The following PTPRF variants were observed in gnomAD, a reference collection of about 807,000 sequenced individuals.
PTPRF encodes protein tyrosine phosphatase receptor type F, also known as receptor-type tyrosine-protein phosphatase F.
A neutral mutation model predicts 201.8 loss-of-function variants in PTPRF; 59 were observed. The ratio of observed to expected loss-of-function variants is 0.29; its 90% CI spans 0.24 to 0.36. PTPRF has a LOEUF of 0.36. Among genes scored for constraint, PTPRF ranks in the 10% least tolerant of loss-of-function variants. The pLI is 1.00. For synonymous variants in PTPRF, 1,088 were observed against 1,089.7 expected (o/e 1.00, Z 0.03); for missense variants, 2,132 against 2,690.5 (o/e 0.79, Z 4.59).
Position 43,546,899 on chromosome 1 carries a change from A to G in PTPRF, c.91+1733A>G, listed in dbSNP as rs1207096993. Among the ~76,000 whole-genome samples the G allele has an allele frequency of 2.0e-5, 3 of 152,162 alleles. No individual in the cohort carries two copies. The highest frequency in any genetic ancestry group is 4.4e-5 in the Non-Finnish European group (3 of 68,026). Reference sequence around the variant, plus strand: ...CTTCTACCTTCTGAATATCTTTGGAATGCATCCACTTCTCTCTCTACCGCC... The same window carrying G: ...CTTCTACCTTCTGAATATCTTTGGAGTGCATCCACTTCTCTCTCTACCGCC... On this transcript the variant is annotated intron_variant, in intron 3 of 33. Coordinates refer to ENST00000359947, the MANE Select transcript of PTPRF (RefSeq NM_002840.5). This position sits in a 1 kb window ranked among gnomAD's most constrained non-coding sequence, Gnocchi z 4.2.
chr1:43,555,153 G>A (rs966638376), intron 5 of PTPRF, among the ~76,000 whole-genome samples: 3 of 151,966 alleles, frequency 2.0e-5, no homozygotes, highest in African/African-American at 7.2e-5. Context: ...CACCCGGGCC[G>A]ATTGTTGCTT....
Position 43,620,993 on chromosome 1 carries a change from G to A in PTPRF, c.5519+1G>A. The A allele has an allele frequency of 6.2e-7, 1 of 1,613,066 alleles. No individual in the cohort carries two copies. Among genetic ancestry groups the A allele is most frequent in the Non-Finnish European group, 8.5e-7 (1 of 1,179,326 alleles). On this transcript the variant is annotated splice_donor_variant, in intron 32 of 33. Coordinates refer to ENST00000359947, the MANE Select transcript of PTPRF (RefSeq NM_002840.5). LOFTEE classifies it high-confidence loss of function. ...ATGGGCCTATCACGGTGCACTGCAG[G>A]TGGGACTGGCCCCCTGGAGGGCTGG...
chr1:43,615,551 CTTTTTTTTTT>C (rs68193223), intron 23 of PTPRF, among the ~76,000 whole-genome samples: 85 of 84,160 alleles, frequency 1.0e-3, no homozygotes, highest in Middle Eastern at 0.014. Context: ...GCTCTGTTGT[CTTTTTTTTTT>C]TTTTTTTTTT....
At chr1:43,584,478 A>G (rs1648600231) in intron 7 of PTPRF, among the ~76,000 whole-genome samples, 1 of 152,152 alleles carries the variant, frequency 6.6e-6, no homozygotes, top group Admixed American at 6.5e-5. Flanking sequence ...TCATCAGCAG[A>G]GACAGCCCAG....
At chr1:43,562,727 C>T (rs1645892427) in intron 5 of PTPRF, among the ~76,000 whole-genome samples, 1 of 152,000 alleles carries the variant, frequency 6.6e-6, no homozygotes, top group African/African-American at 2.4e-5. Flanking sequence ...TTAATCAGAG[C>T]AATGACGTGA....
rs1644411814 is a variant in PTPRF, at chr1:43,542,350, G to C, written c.-45-2681G>C. On this transcript the variant is annotated intron_variant, in intron 2 of 33. Transcript: ENST00000359947. This position sits in a 1 kb window ranked among gnomAD's most constrained non-coding sequence, Gnocchi z 5.2. ...GAGAATGTGTTTGTGTGTGTCCCTT[G>C]TGTTTCCCCATCTCCCTGGGCATCT... Among the ~76,000 whole-genome samples, 1 of 152,166 alleles carries C rather than the reference G, an allele frequency of 6.6e-6. No homozygotes were observed. The highest frequency in any genetic ancestry group is 1.5e-5 in the Non-Finnish European group (1 of 68,000).
At chr1:43,574,845 C>T (rs1369714435) in intron 6 of PTPRF, among the ~76,000 whole-genome samples, 1 of 152,214 alleles carries the variant, frequency 6.6e-6, no homozygotes, top group Non-Finnish European at 1.5e-5. Flanking sequence ...CTTGTCAAGT[C>T]CTTCCACTTC....
Position 43,622,446 on chromosome 1 carries a change from G to GTTT in PTPRF, c.*452_*454dup. On this transcript the variant is annotated 3_prime_UTR_variant, in exon 34 of 34. Transcript: ENST00000359947. ...TAGGGGTTGGGGTTTATTTTGTTTT[G>GTTT]TTTTTTTTTTTCTTGAGTTCACTTT... is the stretch of plus-strand genomic sequence containing the variant. The GTTT allele has an allele frequency of 6.6e-6, 1 of 151,428 alleles. No homozygotes were observed. The highest frequency in any genetic ancestry group is 1.4e-5 in the Non-Finnish European group (1 of 69,258). The allele number at this position is 151,428 out of a possible 1,614,324, so 9.4% of individuals were successfully genotyped here.
intron 7 of PTPRF, among the ~76,000 whole-genome samples, chr1:43,581,256 C>T (rs1486432304): frequency 6.6e-6 from 1 of 152,248 alleles, no homozygotes; most frequent in African/African-American, 2.4e-5. Flanking sequence ...CTGGCTCCAT[C>T]CCCACATGCC....
At chr1:43,601,204 C>T (rs540528001) in intron 13 of PTPRF, among the ~76,000 whole-genome samples, 7 of 152,302 alleles carry the variant, frequency 4.6e-5, no homozygotes, top group South Asian at 2.1e-4. Flanking sequence ...CAGGTACTTC[C>T]GGCTTGGAGA....
At position 43,546,290 on chromosome 1, in the gene PTPRF, A is replaced by T. The variant is rs1447020243; in HGVS notation, c.91+1124A>T. Among the ~76,000 whole-genome samples, 1 of 152,022 alleles carries T rather than the reference A, an allele frequency of 6.6e-6. No individual in the cohort carries two copies. The highest frequency in any genetic ancestry group is 1.5e-5 in the Non-Finnish European group (1 of 67,976). On this transcript the variant is annotated intron_variant, in intron 3 of 33. Coordinates refer to ENST00000359947, the MANE Select transcript of PTPRF (RefSeq NM_002840.5). This position sits in a 1 kb window ranked among gnomAD's most constrained non-coding sequence, Gnocchi z 4.2. ...TGGGTCCTGGGTGGAGCTAGAAGGG[A>T]AAGGAGAAGGGGCAGGCATTCCCAA...
At chr1:43,586,762 A>G (rs1024330582) in intron 7 of PTPRF, among the ~76,000 whole-genome samples, 1 of 152,170 alleles carries the variant, frequency 6.6e-6, no homozygotes, top group African/African-American at 2.4e-5. Flanking sequence ...TTTGTTCTCA[A>G]GCAGCTTTTC....
chr1:43,587,087 G>A (rs1464361884), intron 7 of PTPRF, among the ~76,000 whole-genome samples: 1 of 152,214 alleles, frequency 6.6e-6, no homozygotes. Context: ...GCCAGGGTTT[G>A]GGTTCTGTCT....
chr1:43,545,576 G>A (rs1039754379), intron 3 of PTPRF, among the ~76,000 whole-genome samples: 6 of 152,146 alleles, frequency 3.9e-5, no homozygotes, highest in African/African-American at 1.4e-4. Context: ...TGTGTGCCCA[G>A]GACGCGGGTG....
In PTPRF at chr1:43,588,196, C is replaced by T. The variant is rs1319989616; in HGVS notation, c.680-535C>T. Among the ~76,000 whole-genome samples, 2 of 152,164 alleles carry T rather than the reference C, an allele frequency of 1.3e-5. No homozygotes were observed. The highest frequency in any genetic ancestry group is 1.9e-4 in the East Asian group (1 of 5,176). On this transcript the variant is annotated intron_variant, in intron 7 of 33. Transcript: ENST00000359947. The surrounding 1 kb of genome is among the most constrained non-coding windows in gnomAD (Gnocchi z 5.3). ...CCCTGCTGCTTGCCTTATTTCTTCC[C>T]CTCAGGCCATGGCCTGGAGGTGGAG...
chr1:43,602,528 G>T (rs1432652113), intron 14 of PTPRF, among the ~76,000 whole-genome samples: 1 of 152,198 alleles, frequency 6.6e-6, no homozygotes, highest in Non-Finnish European at 1.5e-5. Flanking sequence ...GTGGCAGGAG[G>T]GGTCCATGAG....
rs1482769128 is a variant in PTPRF, at chr1:43,530,924, C to CGGCTCCGGCTCG, written c.-286_-275dup. 4 of 153,284 alleles carry CGGCTCCGGCTCG rather than the reference C, an allele frequency of 2.6e-5. No individual in the cohort carries two copies. The highest frequency in any genetic ancestry group is 5.7e-5 in the Non-Finnish European group (4 of 69,900). 9.5% of individuals were successfully genotyped at this position (153,284 alleles called of 1,614,324 possible). A position where few individuals can be genotyped will look rare whatever the true frequency, so the allele number is the denominator to read the frequency against. On this transcript the variant is annotated 5_prime_UTR_variant, in exon 1 of 34. Coordinates refer to ENST00000359947, the MANE Select transcript of PTPRF (RefSeq NM_002840.5). This position sits in a 1 kb window ranked among gnomAD's most constrained non-coding sequence, Gnocchi z 4.1. Reference sequence around the variant, plus strand: ...GCGGCAGAGGCGGCGGCTCCAGCTTCGGCTCCGGCTCGGGCTCGGGCTCCG... The same window carrying CGGCTCCGGCTCG: ...GCGGCAGAGGCGGCGGCTCCAGCTTCGGCTCCGGCTCGGGCTCCGGCTCGGGCTCGGGCTCCG...
At chr1:43,580,850 C>T (rs1394349780) in intron 7 of PTPRF, among the ~76,000 whole-genome samples, 1 of 152,252 alleles carries the variant, frequency 6.6e-6, no homozygotes, top group Non-Finnish European at 1.5e-5. Context: ...AGGAGAGGCC[C>T]AGTAGAGCCA....
chr1:43,591,713 G>T, intron 9 of PTPRF, 99 bp from the exon 10 acceptor site: 1 of 1,504,630 alleles, frequency 6.6e-7, no homozygotes. Context: ...TGTAGGATAA[G>T]GGTGTGAGGT....
Sources: allele counts gnomAD v4.1 joint callset (sites outside exome capture counted in the v4.1 genomes callset), GRCh38; gene constraint gnomAD v4.1.1; non-coding constraint Gnocchi (gnomAD v3.1); transcripts MANE v1.5; gene names NCBI Gene and HGNC (gene_info 2026-07-23, HGNC 2026-07-21).